The following IFIT1B variants were observed in gnomAD, a reference collection of about 807,000 sequenced individuals.
IFIT1B encodes the protein protein IFIT1 homolog B.
A neutral mutation model predicts 2.5 loss-of-function variants in IFIT1B; 3 were observed. The ratio of observed to expected loss-of-function variants is 1.21; its 90% CI spans 0.55 to 3.14. The LOEUF is 3.14. IFIT1B is among the 30% of genes most tolerant of loss of function. IFIT1B has a pLI of 0.03. For synonymous variants in IFIT1B, 196 were observed against 203.0 expected (o/e 0.97, Z 0.29); for missense variants, 545 against 556.5 (o/e 0.98, Z 0.21).
chr10:89,384,283 T>C lies in IFIT1B; in HGVS notation c.970T>C (p.Leu324=), dbSNP rs145160679. ...GGAAACTGTGGACAGATTGGTTCAA[T>C]TGGCTATATGCAAATTTGAAAAGAC... The part of the protein sequence containing the change: ...DRETVDRLVQ[L]AICKFEKTIM... Residue 324 remains leucine, a synonymous_variant, in exon 2 of 2, where the codon TTG becomes CTG. Transcript: ENST00000371809. The C allele has an allele frequency of 1.3e-4, 207 of 1,614,088 alleles. 1 individual carries two copies. Among genetic ancestry groups the C allele is most frequent in the Admixed American group, 5.0e-5 (3 of 60,002 alleles).
At position 89,383,247 on chromosome 10, in the gene IFIT1B, G is replaced by C. The variant is rs565777129; in HGVS notation, c.6-72G>C. 6.7e-6 allele frequency: 9 copies of C among 1,334,102 alleles called. No individual in the cohort carries two copies. In the Admixed American group the frequency reaches 1.8e-4, roughly 27 times the overall value. The allele number at this position is 1,334,102 out of a possible 1,614,324, so 82.6% of individuals were successfully genotyped here. A position where few individuals can be genotyped will look rare whatever the true frequency, so the allele number is the denominator to read the frequency against. ...TAGGATAGAGCATATTTGACTATTTGAAGTGCTGGCTTCATTTTCAGTGGA... is the reference window on the plus strand; with the variant it reads ...TAGGATAGAGCATATTTGACTATTTCAAGTGCTGGCTTCATTTTCAGTGGA... On this transcript the variant is annotated intron_variant, in intron 1 of 1. Transcript: ENST00000371809.
At chr10:89,383,257 C>T (rs977349330) in intron 1 of IFIT1B, 62 bp from the exon 2 acceptor site, 6 of 1,428,360 alleles carry the variant, frequency 4.2e-6, no homozygotes, top group Non-Finnish European at 5.8e-6. Flanking sequence ...GAAGTGCTGG[C>T]TTCATTTTCA....
At chr10:89,382,154 T>C (rs1844168387) in intron 1 of IFIT1B, among the ~76,000 whole-genome samples, 1 of 152,226 alleles carries the variant, frequency 6.6e-6, no homozygotes, top group African/African-American at 2.4e-5. Flanking sequence ...TATTATATTA[T>C]ATTATGGTTA....
rs1426362815 is a variant in IFIT1B at position 89,383,823 on chromosome 10, G to A, written c.510G>A (p.Gly170=). Reference sequence around the variant, plus strand: ...CCTGCTTTGAAAAGGCTCTGGAAGGGAACCCTGAAAACCCTGAATTCAATA... The same window carrying A: ...CCTGCTTTGAAAAGGCTCTGGAAGGAAACCCTGAAAACCCTGAATTCAATA... ...AKTCFEKALE[G]NPENPEFNTG... is the part of the protein sequence containing the mutation. Residue 170 remains glycine (G), a synonymous_variant, in exon 2 of 2, where the codon GGG becomes GGA. Transcript: ENST00000371809. 1 of 1,614,198 alleles carries A rather than the reference G, an allele frequency of 6.2e-7. No individual in the cohort carries two copies.
chr10:89,380,441 T>G (rs1258133743), intron 1 of IFIT1B, among the ~76,000 whole-genome samples: 2 of 151,804 alleles, frequency 1.3e-5, no homozygotes, highest in African/African-American at 4.8e-5. Context: ...TCATCTTTTT[T>G]TTTTTTTTTT....
At chr10:89,382,013 G>A (rs1844167026) in intron 1 of IFIT1B, among the ~76,000 whole-genome samples, 1 of 152,078 alleles carries the variant, frequency 6.6e-6, no homozygotes. Context: ...CAGGCAATCT[G>A]CCTACCTCGG....
chr10:89,383,181 G>A (rs1012551068), intron 1 of IFIT1B, 138 bp from the exon 2 acceptor site: 2 of 732,734 alleles, frequency 2.7e-6, no homozygotes, highest in African/African-American at 1.8e-5. Flanking sequence ...TGACATGACT[G>A]TAGAACCCAG....
intron 1 of IFIT1B, among the ~76,000 whole-genome samples, chr10:89,379,582 G>A (rs1293947143): frequency 1.3e-5 from 2 of 152,168 alleles, no homozygotes; most frequent in African/African-American, 2.4e-5. Context: ...CAGTGGGAGA[G>A]GAAGAACTTT....
intron 1 of IFIT1B, among the ~76,000 whole-genome samples, chr10:89,379,334 G>T (rs1304082406): frequency 2.0e-5 from 3 of 152,104 alleles, no homozygotes; most frequent in African/African-American, 7.2e-5. Flanking sequence ...ACTCTAGGGT[G>T]GGGCCCATCA....
rs757056673 is a variant in IFIT1B, at chr10:89,383,730, A to G, written c.417A>G (p.Pro139=). 14 of 1,614,242 alleles carry G rather than the reference A, an allele frequency of 8.7e-6. No individual in the cohort carries two copies. The highest frequency in any genetic ancestry group is 1.7e-5 in the Admixed American group (1 of 60,024). ...ANPSRYRMEC[P]EVDCEEGWAL... Reference sequence around the variant, plus strand: ...CTTCCCGCTATAGAATGGAGTGTCCAGAGGTGGACTGTGAGGAAGGATGGG... The same window carrying G: ...CTTCCCGCTATAGAATGGAGTGTCCGGAGGTGGACTGTGAGGAAGGATGGG... The change falls in exon 2 of 2, where the codon CCA becomes CCG. Residue 139 remains proline (P), a synonymous_variant. Coordinates refer to ENST00000371809, the MANE Select transcript of IFIT1B (RefSeq NM_001010987.2).
chr10:89,384,660 G>A lies in IFIT1B; in HGVS notation c.1347G>A (p.Leu449=). ...SVSLLGLIHK[L]KGEVSDALLC... ...GCCTCCTTGGGCTTATCCACAAATTGAAAGGAGAAGTAAGTGATGCTTTGC... is the reference window on the plus strand; with the variant it reads ...GCCTCCTTGGGCTTATCCACAAATTAAAAGGAGAAGTAAGTGATGCTTTGC... The change falls in exon 2 of 2, where the codon TTG becomes TTA. Residue 449 remains leucine, a synonymous_variant. Transcript: ENST00000371809. 1.2e-6 allele frequency: 2 copies of A among 1,614,228 alleles called. No homozygotes were observed. Among genetic ancestry groups the A allele is most frequent in the Non-Finnish European group, 1.7e-6 (2 of 1,180,040 alleles).
At chr10:89,378,662 G>T (rs1844139693) in intron 1 of IFIT1B, among the ~76,000 whole-genome samples, 1 of 152,174 alleles carries the variant, frequency 6.6e-6, no homozygotes, top group Non-Finnish European at 1.5e-5. Flanking sequence ...AAGAGTTTTG[G>T]AGTTAATAAA....
In IFIT1B at chr10:89,379,677, C is replaced by CA. The variant is rs553381001; in HGVS notation, c.5+1544dup. On this transcript the variant is annotated intron_variant, in intron 1 of 1. Transcript: ENST00000371809. ...AGAAGAAATTATAAATGAAGGATTG[C>CA]AAAAAAATTCACCACAAGAGTACCC... is the stretch of plus-strand genomic sequence containing the variant. 2.3e-3 allele frequency among the ~76,000 whole-genome samples: 343 copies of CA among 152,056 alleles called. 4 individuals carry two copies. The highest frequency in any genetic ancestry group is 6.8e-3 in the African/African-American group (283 of 41,482).
rs746740919 is a variant in IFIT1B at position 89,378,158 on chromosome 10, T to C, written c.5+18T>C. ...ACCATGAGGTAAAGTCTTTCTCTGC[T>C]TCACTGACCTTATTTCTGCACACTT... On this transcript the variant is annotated intron_variant, in intron 1 of 1. Transcript: ENST00000371809. 3.1e-6 allele frequency: 5 copies of C among 1,613,480 alleles called. No homozygotes were observed. In the Admixed American group the frequency reaches 8.3e-5, roughly 27 times the overall value.
chr10:89,383,825 A>T lies in IFIT1B; in HGVS notation c.512A>T (p.Asn171Ile), dbSNP rs1387292976. The T allele has an allele frequency of 6.8e-6, 11 of 1,614,214 alleles. No homozygotes were observed. Among genetic ancestry groups the T allele is most frequent in the Non-Finnish European group, 9.3e-6 (11 of 1,180,042 alleles). The change falls in exon 2 of 2, where the codon AAC (asparagine) becomes ATC (isoleucine). Residue 171 changes from asparagine (N) to isoleucine (I), a missense_variant. Transcript: ENST00000371809. ...TGCTTTGAAAAGGCTCTGGAAGGGA[A>T]CCCTGAAAACCCTGAATTCAATACT... Reference protein sequence around the residue: ...KTCFEKALEGNPENPEFNTGY... With the variant: ...KTCFEKALEGIPENPEFNTGY...
In IFIT1B at chr10:89,384,263, CTG is replaced by C. The variant is rs758473425; in HGVS notation, c.953_954del (p.Val318GlyfsTer12). On this transcript the variant is annotated frameshift_variant, in exon 2 of 2. Coordinates refer to ENST00000371809, the MANE Select transcript of IFIT1B (RefSeq NM_001010987.2). LOFTEE classifies it low-confidence loss of function (END_TRUNC). The stretch of plus-strand genomic sequence containing the variant: ...CAGCCTAGAGGGCAAGATAGGGAAA[CTG>C]TGGACAGATTGGTTCAATTGGCTAT... The C allele has an allele frequency of 3.1e-6, 5 of 1,614,062 alleles. No individual in the cohort carries two copies. The highest frequency in any genetic ancestry group is 1.3e-5 in the African/African-American group (1 of 74,922).
rs758564144 is a variant in IFIT1B, at chr10:89,383,303, C to T, written c.6-16C>T. ...TACTTTCTCAAAATGTAATTAATTGCTGCCTATTTTTACAGTGAAGAATCT... is the reference window on the plus strand; with the variant it reads ...TACTTTCTCAAAATGTAATTAATTGTTGCCTATTTTTACAGTGAAGAATCT... On this transcript the variant is annotated splice_polypyrimidine_tract_variant and intron_variant, in intron 1 of 1. Transcript: ENST00000371809. The T allele has an allele frequency of 5.7e-6, 9 of 1,587,440 alleles. No homozygotes were observed. The highest frequency in any genetic ancestry group is 6.9e-6 in the Non-Finnish European group (8 of 1,164,840).
Position 89,384,098 on chromosome 10 carries a change from G to A in IFIT1B, c.785G>A (p.Arg262Gln), listed in dbSNP as rs199669012. The A allele has an allele frequency of 1.1e-5, 18 of 1,614,020 alleles. No homozygotes were observed. The highest frequency in any genetic ancestry group is 8.9e-5 in the East Asian group (4 of 44,892). Residue 262 changes from arginine (R) to glutamine (Q), a missense_variant, in exon 2 of 2, where the codon CGA becomes CAA. By Grantham distance (43) the Arg-to-Gln change is conservative. Transcript: ENST00000371809. Reference sequence around the variant, plus strand: ...TTTCAATATGCAGCCAAGTTTTATCGAAGAAAAGGGTCTGTGGATAAAGCT... The same window carrying A: ...TTTCAATATGCAGCCAAGTTTTATCAAAGAAAAGGGTCTGTGGATAAAGCT... ...YVFQYAAKFY[R>Q]RKGSVDKALE...
intron 1 of IFIT1B, among the ~76,000 whole-genome samples, chr10:89,382,384 T>C: frequency 6.6e-6 from 1 of 152,228 alleles, no homozygotes; most frequent in Non-Finnish European, 1.5e-5. Context: ...GACAAATTTC[T>C]TTTTCTTCCT....
Sources: allele counts gnomAD v4.1 joint callset (sites outside exome capture counted in the v4.1 genomes callset), GRCh38; gene constraint gnomAD v4.1.1; transcripts MANE v1.5; gene names NCBI Gene and HGNC (gene_info 2026-07-23, HGNC 2026-07-21).